The following MEGF6 variants were observed in gnomAD, a reference collection of about 807,000 sequenced individuals.
MEGF6 encodes multiple EGF like domains 6, also known as multiple epidermal growth factor-like domains protein 6.
A neutral mutation model predicts 207.1 loss-of-function variants in MEGF6; 184 were observed. The ratio of observed to expected loss-of-function variants is 0.89; its 90% CI spans 0.79 to 1.00. The LOEUF (loss-of-function observed/expected upper bound fraction) is 1.00, where lower values mean the gene tolerates loss of function less well. MEGF6 is among the 50% of genes least tolerant of loss of function. The pLI, the probability that MEGF6 is intolerant of heterozygous loss-of-function variation, is 0.00. For missense variants in MEGF6, 2,282 were observed against 2,202.9 expected, an observed-to-expected ratio of 1.04 and a Z score of -0.72; for synonymous variants, 1,038 against 910.0, an observed-to-expected ratio of 1.14 and a Z score of -2.53.
chr1:3,614,623 T>C (rs1351007062), upstream of MEGF6, among the ~76,000 whole-genome samples: 1 of 152,250 alleles, frequency 6.6e-6, no homozygotes, highest in Non-Finnish European at 1.5e-5. Flanking sequence ...CTATATAAGC[T>C]TTGAATTTCA....
intron 3 of MEGF6, among the ~76,000 whole-genome samples, chr1:3,583,119 C>T (rs1643838840): frequency 6.6e-6 from 1 of 152,160 alleles, no homozygotes; most frequent in Non-Finnish European, 1.5e-5. Context: ...GGAGGGCTAC[C>T]CATGGACTTG....
chr1:3,575,433 G>A (rs958827010), intron 4 of MEGF6, among the ~76,000 whole-genome samples: 1 of 152,164 alleles, frequency 6.6e-6, no homozygotes, highest in South Asian at 2.1e-4. Context: ...CCAAACCCTG[G>A]ACCACTCTGG....
Position 3,565,884 on chromosome 1 carries a change from G to A in MEGF6, c.481+13941C>T, listed in dbSNP as rs1205909576. Among the ~76,000 whole-genome samples, 1 of 152,174 alleles carries A rather than the reference G, an allele frequency of 6.6e-6. No homozygotes were observed. On this transcript the variant is annotated intron_variant, in intron 4 of 36. Transcript: ENST00000356575. The surrounding 1 kb of genome is among the most constrained non-coding windows in gnomAD (Gnocchi z 4.8). ...GTGGACCCTGACACCCAGCGGCACA[G>A]GGACTCTCATGGGGTGCAGTGGGGA...
At position 3,510,910 on chromosome 1, in the gene MEGF6, G is replaced by T; in HGVS notation, c.1115-8C>A. The T allele has an allele frequency of 6.3e-7, 1 of 1,596,336 alleles. No individual in the cohort carries two copies. Among genetic ancestry groups the T allele is most frequent in the Non-Finnish European group, 8.6e-7 (1 of 1,166,938 alleles). ...CTGCACAGTCGTCGACATCTGTGGAGCACACGCCACGGGCCCCCTGGTACC... is the reference window on the plus strand; with the variant it reads ...CTGCACAGTCGTCGACATCTGTGGATCACACGCCACGGGCCCCCTGGTACC... On this transcript the variant is annotated splice_region_variant and splice_polypyrimidine_tract_variant and intron_variant, in intron 9 of 36. Transcript: ENST00000356575.
intron 16 of MEGF6, 29 bp downstream of exon 16, chr1:3,505,393 C>G (rs1328889524): frequency 1.3e-6 from 2 of 1,599,482 alleles, no homozygotes; most frequent in South Asian, 2.2e-5. Flanking sequence ...CTGGCGCCCC[C>G]CGCCCCCAGA....
intron 5 of MEGF6, among the ~76,000 whole-genome samples, chr1:3,523,414 C>T (rs1041606334): frequency 6.6e-6 from 1 of 152,166 alleles, no homozygotes; most frequent in African/African-American, 2.4e-5. Context: ...GGCCTGGCAC[C>T]TCCCCTGCTT....
Position 3,544,049 on chromosome 1 carries a change from C to T in MEGF6, c.482-19803G>A, listed in dbSNP as rs146619040. 2.8e-4 allele frequency among the ~76,000 whole-genome samples: 43 copies of T among 152,270 alleles called. 1 individual carries two copies. The highest frequency in any genetic ancestry group is 5.3e-4 in the Non-Finnish European group (36 of 67,990). On this transcript the variant is annotated intron_variant, in intron 4 of 36. Transcript: ENST00000356575. ...CTATCGCGGGAGAGCCTCTGCGCGC[C>T]GCACCACTCGCTGACACAGGAGGCG...
At chr1:3,527,045 G>A (rs913625864) in intron 4 of MEGF6, among the ~76,000 whole-genome samples, 7 of 152,196 alleles carry the variant, frequency 4.6e-5, no homozygotes, top group African/African-American at 1.4e-4. Flanking sequence ...GCTTCCAGGG[G>A]CTGCATAGAG....
intron 4 of MEGF6, among the ~76,000 whole-genome samples, chr1:3,571,484 C>T (rs1312314134): frequency 6.6e-6 from 1 of 152,038 alleles, no homozygotes; most frequent in East Asian, 1.9e-4. Context: ...CTGGGTCCTC[C>T]CGGCTCCAAA....
intron 4 of MEGF6, among the ~76,000 whole-genome samples, chr1:3,524,594 C>T (rs1023624407): frequency 2.6e-5 from 4 of 152,194 alleles, no homozygotes; most frequent in African/African-American, 4.8e-5. Flanking sequence ...GCTTCCTGGG[C>T]GGTGTCAACC....
At position 3,551,193 on chromosome 1, in the gene MEGF6, G is replaced by A. The variant is rs937546392; in HGVS notation, c.482-26947C>T. 4.6e-5 allele frequency among the ~76,000 whole-genome samples: 7 copies of A among 152,212 alleles called. No individual in the cohort carries two copies. In the East Asian group the frequency reaches 1.2e-3, roughly 25 times the overall value. On this transcript the variant is annotated intron_variant, in intron 4 of 36. Coordinates refer to ENST00000356575, the MANE Select transcript of MEGF6 (RefSeq NM_001409.4). ...TGGTGAGACACCAGAGGCTCCGCTT[G>A]GGGGTGGCCCCGCCCCATGCAGGTG...
intron 16 of MEGF6, 28 bp downstream of exon 16, chr1:3,505,394 C>G: frequency 1.9e-6 from 3 of 1,570,696 alleles, no homozygotes; most frequent in Non-Finnish European, 2.6e-6. Flanking sequence ...TGGCGCCCCC[C>G]GCCCCCAGAC....
chr1:3,573,352 C>T lies in MEGF6; in HGVS notation c.481+6473G>A, dbSNP rs78609407. Among the ~76,000 whole-genome samples the T allele has an allele frequency of 4.6e-3, 707 of 152,336 alleles. 10 individuals carry two copies. Among genetic ancestry groups the T allele is most frequent in the African/African-American group, 0.016 (657 of 41,570 alleles). On this transcript the variant is annotated intron_variant, in intron 4 of 36. Coordinates refer to ENST00000356575, the MANE Select transcript of MEGF6 (RefSeq NM_001409.4). The surrounding 1 kb of genome is among the most constrained non-coding windows in gnomAD (Gnocchi z 5.1). The stretch of plus-strand genomic sequence containing the variant: ...ACACAAAAAGCCTCCCCCAGGGTGG[C>T]CTCCTGGCTGAGCCAGCTCCAGGCC...
chr1:3,498,937 G>T (rs1233674006), intron 24 of MEGF6, 111 bp from the exon 25 acceptor site: 2 of 1,458,176 alleles, frequency 1.4e-6, no homozygotes, highest in Non-Finnish European at 1.8e-6. Flanking sequence ...CCTTGCAGGG[G>T]GCTGCCCCTA....
intron 14 of MEGF6, 145 bp downstream of exon 14, chr1:3,507,650 G>A (rs1445635351): frequency 9.7e-7 from 1 of 1,031,030 alleles, no homozygotes; most frequent in African/African-American, 1.6e-5. Flanking sequence ...GAGGCAGGAA[G>A]GAAAGGGAGT....
chr1:3,490,705 C>A (rs1640317290), intron 36 of MEGF6, 116 bp from the exon 37 acceptor site: 5 of 1,221,384 alleles, frequency 4.1e-6, no homozygotes, highest in Non-Finnish European at 5.8e-6. Context: ...CTCAGCCCAG[C>A]AGGTGGGTGG....
intron 1 of MEGF6, among the ~76,000 whole-genome samples, chr1:3,609,858 A>G (rs1251054110): frequency 6.6e-6 from 1 of 152,142 alleles, no homozygotes; most frequent in Non-Finnish European, 1.5e-5. Flanking sequence ...CCCTCGCAAG[A>G]GCAGGGACAT....
At chr1:3,513,886 C>G (rs1418799773) in intron 7 of MEGF6, among the ~76,000 whole-genome samples, 1 of 152,018 alleles carries the variant, frequency 6.6e-6, no homozygotes, top group African/African-American at 2.4e-5. Flanking sequence ...GCCACAGCGC[C>G]TGGCTCATTT....
intron 4 of MEGF6, among the ~76,000 whole-genome samples, chr1:3,546,395 G>A (rs1420503429): frequency 6.6e-6 from 1 of 152,214 alleles, no homozygotes; most frequent in Non-Finnish European, 1.5e-5. Context: ...CCCCCAAGGT[G>A]CCTCCCACCA....
Sources: allele counts gnomAD v4.1 joint callset (sites outside exome capture counted in the v4.1 genomes callset), GRCh38; gene constraint gnomAD v4.1.1; non-coding constraint Gnocchi (gnomAD v3.1); transcripts MANE v1.5; gene names NCBI Gene and HGNC (gene_info 2026-07-23, HGNC 2026-07-21).